The following OR10T2 variants were observed in gnomAD, a reference collection of about 807,000 sequenced individuals.
OR10T2 encodes olfactory receptor 10T2.
For synonymous variants in OR10T2, 162 were observed against 144.1 expected, an observed-to-expected ratio of 1.12 and a Z score of -0.89; for missense variants, 416 against 372.3, an observed-to-expected ratio of 1.12 and a Z score of -0.97.
Position 158,398,555 on chromosome 1 carries a change from A to C in OR10T2, c.912T>G (p.Val304=), listed in dbSNP as rs758118739. 6.2e-7 allele frequency: 1 copy of C among 1,606,330 alleles called. No homozygotes were observed. The highest frequency in any genetic ancestry group is 1.1e-5 in the South Asian group (1 of 89,668). The part of the protein sequence containing the change: ...NKEVKTALKR[V]LGMPVATKMS ...TCTTGGTTGCCACAGGCATTCCAAG[A>C]ACTCTTTTCAATGCAGTTTTTACCT... The change falls in exon 1 of 1, where the codon GTT becomes GTG. Residue 304 remains valine (V), a synonymous_variant. Coordinates refer to ENST00000334438, the MANE Select transcript of OR10T2 (RefSeq NM_001004475.1).
At position 158,399,037 on chromosome 1, in the gene OR10T2, C is replaced by A. The variant is rs1654735501; in HGVS notation, c.430G>T (p.Glu144Ter). Residue 144 changes from glutamate to a stop codon, truncating the protein, a stop_gained, in exon 1 of 1, where the codon GAG becomes TAG. Coordinates refer to ENST00000334438, the MANE Select transcript of OR10T2 (RefSeq NM_001004475.1). LOFTEE classifies it low-confidence loss of function (END_TRUNC). Reference protein sequence around the residue: ...TLIINKRLGLELISLSGATGF... With the variant: ...TLIINKRLGL ...GTGGCTCCTGAGAGAGAAATCAACT[C>A]CAACCCCAGCCTTTTGTTTATGATG... 6.2e-7 allele frequency: 1 copy of A among 1,614,036 alleles called. No individual in the cohort carries two copies. The highest frequency in any genetic ancestry group is 1.3e-5 in the African/African-American group (1 of 74,906).
rs1306791983 is a variant in OR10T2, at chr1:158,398,683, G to T, written c.784C>A (p.Pro262Thr). Residue 262 changes from proline (P) to threonine (T), a missense_variant, in exon 1 of 1, where the codon CCC (proline) becomes ACC (threonine). Coordinates refer to ENST00000334438, the MANE Select transcript of OR10T2 (RefSeq NM_001004475.1). Reference protein sequence around the residue: ...YGCASIIYLRPKSKSASDKDQ... With the variant: ...YGCASIIYLRTKSKSASDKDQ... The stretch of plus-strand genomic sequence containing the variant: ...TTGTCTGAGGCAGACTTGGACTTGG[G>T]CCGCAGATAGATGATAGAGGCACAG... 1 of 1,614,138 alleles carries T rather than the reference G, an allele frequency of 6.2e-7. No homozygotes were observed.
At position 158,399,313 on chromosome 1, in the gene OR10T2, A is replaced by G. The variant is rs757022192; in HGVS notation, c.154T>C (p.Phe52Leu). 4.3e-6 allele frequency: 7 copies of G among 1,613,990 alleles called. No homozygotes were observed. The highest frequency in any genetic ancestry group is 5.9e-6 in the Non-Finnish European group (7 of 1,179,926). The change falls in exon 1 of 1, where the codon TTC (phenylalanine) becomes CTC (leucine). Residue 52 changes from phenylalanine (F) to leucine (L), a missense_variant. Physicochemically the swap from Phe to Leu is conservative, Grantham distance 22. Coordinates refer to ENST00000334438, the MANE Select transcript of OR10T2 (RefSeq NM_001004475.1). ...ANVTIMAVIR[F>L]SWTLHTPMYG... ...ATGGGAGTGTGGAGAGTCCAGCTGA[A>G]GCGAATAACGGCCATGATGGTCACA...
chr1:158,399,339 T>C lies in OR10T2; in HGVS notation c.128A>G (p.Asn43Ser), dbSNP rs111466793. The change falls in exon 1 of 1, where the codon AAT becomes AGT. Residue 43 changes from asparagine (N) to serine (S), a missense_variant. Transcript: ENST00000334438. ...GCGAATAACGGCCATGATGGTCACA[T>C]TGGCCACCAGGATTGTCAAGTATAG... ...LLLYLTILVA[N>S]VTIMAVIRFS... 1.2e-3 allele frequency: 1,904 copies of C among 1,613,758 alleles called. 22 individuals are homozygous for C. In the African/African-American group the frequency reaches 0.023, roughly 20 times the overall value.
chr1:158,398,671 A>G lies in OR10T2; in HGVS notation c.796T>C (p.Ser266Pro), dbSNP rs761030460. 1 of 1,614,162 alleles carries G rather than the reference A, an allele frequency of 6.2e-7. No homozygotes were observed. Among genetic ancestry groups the G allele is most frequent in the East Asian group, 2.2e-5 (1 of 44,870 alleles). ...ACCAACTGATCCTTGTCTGAGGCAG[A>G]CTTGGACTTGGGCCGCAGATAGATG... ...SIIYLRPKSKSASDKDQLVAV... is the reference protein window; with the variant it reads ...SIIYLRPKSKPASDKDQLVAV... The change falls in exon 1 of 1, where the codon TCT becomes CCT. Residue 266 changes from serine to proline, a missense_variant. Physicochemically the swap from Ser to Pro is moderately conservative, Grantham distance 74. Transcript: ENST00000334438.
rs755167017 is a variant in OR10T2 at position 158,398,830 on chromosome 1, GA to G, written c.636del (p.Leu213CysfsTer2). 9.3e-6 allele frequency: 15 copies of G among 1,614,170 alleles called. No homozygotes were observed. Among genetic ancestry groups the G allele is most frequent in the Non-Finnish European group, 1.3e-5 (15 of 1,180,016 alleles). On this transcript the variant is annotated frameshift_variant, in exon 1 of 1. Coordinates refer to ENST00000334438, the MANE Select transcript of OR10T2 (RefSeq NM_001004475.1). LOFTEE classifies it low-confidence loss of function (END_TRUNC). The stretch of plus-strand genomic sequence containing the variant: ...AAGCCATAGGATATGAGAATTAACA[GA>G]AAAGGCACCATAATTACCAGGATGC... ...SLSILVIMVP[F>X]LLILISYGFI... is the part of the protein sequence containing the mutation.
In OR10T2 at chr1:158,398,871, G is replaced by A. The variant is rs1268561525; in HGVS notation, c.596C>T (p.Ala199Val). 2 of 1,614,146 alleles carry A rather than the reference G, an allele frequency of 1.2e-6. No homozygotes were observed. Among genetic ancestry groups the A allele is most frequent in the East Asian group, 4.5e-5 (2 of 44,866 alleles). Residue 199 changes from alanine to valine, a missense_variant, in exon 1 of 1, where the codon GCT becomes GTT. Physicochemically the swap from Ala to Val is moderately conservative, Grantham distance 64. Coordinates refer to ENST00000334438, the MANE Select transcript of OR10T2 (RefSeq NM_001004475.1). ...TACCAGGATGCTGAGGCTAAATAAAGCCAGCTCTTTCACATGGGTGTCAGT... is the reference window on the plus strand; with the variant it reads ...TACCAGGATGCTGAGGCTAAATAAAACCAGCTCTTTCACATGGGTGTCAGT... ...ACTDTHVKEL[A>V]LFSLSILVIM...
rs755163089 is a variant in OR10T2, at chr1:158,399,374, G to A, written c.93C>T (p.Ile31=). The change falls in exon 1 of 1, where the codon ATC becomes ATT. Residue 31 remains isoleucine (I), a synonymous_variant. Transcript: ENST00000334438. ...LGELQLLLFV[I]FLLLYLTILV... ...GGATTGTCAAGTATAGGAGAAGAAAGATGACAAAAAGCAGCAGCTGGAGCT... is the reference window on the plus strand; with the variant it reads ...GGATTGTCAAGTATAGGAGAAGAAAAATGACAAAAAGCAGCAGCTGGAGCT... The A allele has an allele frequency of 1.9e-6, 3 of 1,613,974 alleles. No individual in the cohort carries two copies. The highest frequency in any genetic ancestry group is 2.5e-6 in the Non-Finnish European group (3 of 1,179,996).
Position 158,399,420 on chromosome 1 carries a change from A to G in OR10T2, c.47T>C (p.Val16Ala), listed in dbSNP as rs6660222. Residue 16 changes from valine (V) to alanine (A), a missense_variant, in exon 1 of 1, where the codon GTG (valine) becomes GCG (alanine). Val to Ala is a moderately conservative substitution (Grantham distance 64). Coordinates refer to ENST00000334438, the MANE Select transcript of OR10T2 (RefSeq NM_001004475.1). The part of the protein sequence containing the change: ...KTTVVTQFIL[V>A]GFSSLGELQL... Reference sequence around the variant, plus strand: ...GAGCTCCCCCAGGCTGGAGAAACCCACCAGGATGAACTGTGTAACCACAGT... The same window carrying G: ...GAGCTCCCCCAGGCTGGAGAAACCCGCCAGGATGAACTGTGTAACCACAGT... The G allele has an allele frequency of 3.0e-3, 4,917 of 1,613,992 alleles. 149 individuals carry two copies. In the African/African-American group the frequency reaches 0.058, roughly 19 times the overall value.
At position 158,398,535 on chromosome 1, in the gene OR10T2, G is replaced by A; in HGVS notation, c.932C>T (p.Thr311Ile). 4 of 1,586,976 alleles carry A rather than the reference G, an allele frequency of 2.5e-6. No individual in the cohort carries two copies. The highest frequency in any genetic ancestry group is 1.1e-5 in the South Asian group (1 of 87,566). The change falls in exon 1 of 1, where the codon ACC (threonine) becomes ATC (isoleucine). Residue 311 changes from threonine to isoleucine, a missense_variant. By Grantham distance (89) the Thr-to-Ile change is moderately conservative (BLOSUM62 -1). Transcript: ENST00000334438. ...TATTATTTTTTGTTAGCTCATCTTG[G>A]TTGCCACAGGCATTCCAAGAACTCT... ...LKRVLGMPVA[T>I]KMS
rs754081331 is a variant in OR10T2 at position 158,398,732 on chromosome 1, G to A, written c.735C>T (p.Leu245=). The change falls in exon 1 of 1, where the codon CTC becomes CTT. Residue 245 remains leucine, a synonymous_variant. Coordinates refer to ENST00000334438, the MANE Select transcript of OR10T2 (RefSeq NM_001004475.1). ...AGCCATAGTGGACAAAGACCACAGTGAGATGTGAGGCACAGGTGACAAAGG... is the reference window on the plus strand; with the variant it reads ...AGCCATAGTGGACAAAGACCACAGTAAGATGTGAGGCACAGGTGACAAAGG... ...KKAFVTCASH[L]TVVFVHYGCA... is the part of the protein sequence containing the mutation. 5 of 1,614,068 alleles carry A rather than the reference G, an allele frequency of 3.1e-6. No homozygotes were observed. In the African/African-American group the frequency reaches 4.0e-5, roughly 13 times the overall value.
Position 158,399,259 on chromosome 1 carries a change from A to C in OR10T2, c.208T>G (p.Ser70Ala). 6.2e-7 allele frequency: 1 copy of C among 1,614,100 alleles called. No homozygotes were observed. Among genetic ancestry groups the C allele is most frequent in the Non-Finnish European group, 8.5e-7 (1 of 1,179,972 alleles). ...ATGACAAAAGTGTAGCAGGACTCAG[A>C]AAATGAAAGGATGAATAGAAAGCCA... ...MYGFLFILSF[S>A]ESCYTFVIIP... Residue 70 changes from serine (S) to alanine (A), a missense_variant, in exon 1 of 1, where the codon TCT becomes GCT. Transcript: ENST00000334438.
rs865947495 is a variant in OR10T2, at chr1:158,399,109, C to A, written c.358G>T (p.Gly120Ter). ...CAAATTGCTACATAGCGATCATATC[C>A]CATCACAGCAATGAGGAGGCAGTTG... The part of the protein sequence containing the change: ...CTNCLLIAVM[G>*]YDRYVAICHP... Residue 120 changes from glycine (G) to a stop codon, truncating the protein, a stop_gained, in exon 1 of 1, where the codon GGA becomes TGA. Coordinates refer to ENST00000334438, the MANE Select transcript of OR10T2 (RefSeq NM_001004475.1). LOFTEE classifies it low-confidence loss of function (END_TRUNC). 5 of 1,614,062 alleles carry A rather than the reference C, an allele frequency of 3.1e-6. 1 individual carries two copies. In the African/African-American group the frequency reaches 4.0e-5, roughly 13 times the overall value.
At position 158,399,230 on chromosome 1, in the gene OR10T2, G is replaced by A; in HGVS notation, c.237C>T (p.Ile79=). ...AGAGCAGGTGGACCAGCAGCTGAGGGATGATGACAAAAGTGTAGCAGGACT... is the reference window on the plus strand; with the variant it reads ...AGAGCAGGTGGACCAGCAGCTGAGGAATGATGACAAAAGTGTAGCAGGACT... ...FSESCYTFVI[I]PQLLVHLLSD... Residue 79 remains isoleucine (I), a synonymous_variant, in exon 1 of 1, where the codon ATC becomes ATT. Transcript: ENST00000334438. 1 of 1,614,110 alleles carries A rather than the reference G, an allele frequency of 6.2e-7. No individual in the cohort carries two copies.
chr1:158,399,215 G>A lies in OR10T2; in HGVS notation c.252C>T (p.Val84=). 1 of 1,614,146 alleles carries A rather than the reference G, an allele frequency of 6.2e-7. No homozygotes were observed. The highest frequency in any genetic ancestry group is 1.3e-5 in the African/African-American group (1 of 75,058). ...TGGTCTTGGTGTCTGAGAGCAGGTG[G>A]ACCAGCAGCTGAGGGATGATGACAA... ...YTFVIIPQLL[V]HLLSDTKTIS... Residue 84 remains valine (V), a synonymous_variant, in exon 1 of 1, where the codon GTC becomes GTT. Coordinates refer to ENST00000334438, the MANE Select transcript of OR10T2 (RefSeq NM_001004475.1).
At position 158,399,256 on chromosome 1, in the gene OR10T2, C is replaced by T; in HGVS notation, c.211G>A (p.Glu71Lys). Reference protein sequence around the residue: ...YGFLFILSFSESCYTFVIIPQ... With the variant: ...YGFLFILSFSKSCYTFVIIPQ... ...ATGATGACAAAAGTGTAGCAGGACT[C>T]AGAAAATGAAAGGATGAATAGAAAG... is the stretch of plus-strand genomic sequence containing the variant. The change falls in exon 1 of 1, where the codon GAG (glutamate) becomes AAG (lysine). Residue 71 changes from glutamate (E) to lysine (K), a missense_variant. Coordinates refer to ENST00000334438, the MANE Select transcript of OR10T2 (RefSeq NM_001004475.1). 1 of 1,613,960 alleles carries T rather than the reference C, an allele frequency of 6.2e-7. No homozygotes were observed. The highest frequency in any genetic ancestry group is 8.5e-7 in the Non-Finnish European group (1 of 1,179,978).
rs749324831 is a variant in OR10T2 at position 158,399,462 on chromosome 1, C to G, written c.5G>C (p.Arg2Pro). Reference protein sequence around the residue: MRGFNKTTVVTQ... With the variant: MPGFNKTTVVTQ... ...AACCACAGTGGTTTTGTTGAAACCT[C>G]GCATCTGAAGAACTTCTTTCTGTGA... Residue 2 changes from arginine (R) to proline (P), a missense_variant, in exon 1 of 1, where the codon CGA becomes CCA. By Grantham distance (103) the Arg-to-Pro change is moderately radical. Transcript: ENST00000334438. The G allele has an allele frequency of 6.3e-7, 1 of 1,593,380 alleles. No individual in the cohort carries two copies. Among genetic ancestry groups the G allele is most frequent in the African/African-American group, 1.4e-5 (1 of 74,014 alleles).
At position 158,399,331 on chromosome 1, in the gene OR10T2, T is replaced by A; in HGVS notation, c.136A>T (p.Ile46Phe). The A allele has an allele frequency of 1.2e-6, 2 of 1,613,978 alleles. No individual in the cohort carries two copies. Among genetic ancestry groups the A allele is most frequent in the Non-Finnish European group, 1.7e-6 (2 of 1,179,954 alleles). ...YLTILVANVT[I>F]MAVIRFSWTL... ...CAGCTGAAGCGAATAACGGCCATGA[T>A]GGTCACATTGGCCACCAGGATTGTC... The change falls in exon 1 of 1, where the codon ATC becomes TTC. Residue 46 changes from isoleucine to phenylalanine, a missense_variant. Physicochemically the swap from Ile to Phe is conservative, Grantham distance 21. Transcript: ENST00000334438.
At position 158,398,524 on chromosome 1, in the gene OR10T2, A is replaced by T. The variant is rs1386771863; in HGVS notation, c.943T>A (p.Ter315LysextTer?). Reference sequence around the variant, plus strand: ...GTTAATTTTATTATTATTTTTTGTTAGCTCATCTTGGTTGCCACAGGCATT... The same window carrying T: ...GTTAATTTTATTATTATTTTTTGTTTGCTCATCTTGGTTGCCACAGGCATT... ...LGMPVATKMS* is the reference protein window; with the variant it reads ...LGMPVATKMSK The change falls in exon 1 of 1, where the codon TAA (stop) becomes AAA (lysine). Residue 315 changes from the stop codon to lysine, a stop_lost. Transcript: ENST00000334438. 6.4e-7 allele frequency: 1 copy of T among 1,558,982 alleles called. No homozygotes were observed. Among genetic ancestry groups the T allele is most frequent in the South Asian group, 1.2e-5 (1 of 84,930 alleles).
Sources: gnomAD v4.1 joint callset for allele counts on GRCh38, gnomAD v4.1.1 for gene constraint, MANE v1.5 for transcripts, NCBI Gene and HGNC (gene_info 2026-07-23, HGNC 2026-07-21) for gene names.